The following SPOCK3 variants were observed in gnomAD, a reference collection of about 807,000 sequenced individuals.
SPOCK3 encodes SPARC (osteonectin), cwcv and kazal like domains proteoglycan 3, also known as testican-3.
In SPOCK3, 30 loss-of-function variants were observed where a neutral mutation model predicts 56.6. That is an observed-to-expected ratio of 0.53 (90% CI 0.40 to 0.72). The LOEUF is 0.72. Ranked by LOEUF, SPOCK3 falls within the 30% of genes least tolerant of loss-of-function variation. The pLI, the probability that SPOCK3 is intolerant of heterozygous loss-of-function variation, is 0.00. For synonymous variants in SPOCK3, 196 were observed against 183.3 expected (o/e 1.07, Z -0.56); for missense variants, 527 against 530.0 (o/e 0.99, Z 0.06).
At chr4:167,066,659 G>A (rs899923221) in intron 2 of SPOCK3, among the ~76,000 whole-genome samples, 2 of 151,554 alleles carry the variant, frequency 1.3e-5, no homozygotes, top group Non-Finnish European at 2.9e-5. Context: ...ATACTCTTTG[G>A]TATCGACTTA....
chr4:167,056,691 G>T (rs1483278278), intron 3 of SPOCK3, among the ~76,000 whole-genome samples: 3 of 151,534 alleles, frequency 2.0e-5, no homozygotes, highest in African/African-American at 7.3e-5. Context: ...TATCAGTGAT[G>T]GAAGATGAAA....
chr4:166,941,425 A>G (rs1579728555), intron 4 of SPOCK3, among the ~76,000 whole-genome samples: 2 of 152,210 alleles, frequency 1.3e-5, no homozygotes, highest in East Asian at 1.9e-4. Flanking sequence ...TTTTTTATCA[A>G]TTGCAGTATT....
chr4:167,109,470 A>G (rs1009304551), intron 2 of SPOCK3, among the ~76,000 whole-genome samples: 4 of 109,430 alleles, frequency 3.7e-5, no homozygotes, highest in African/African-American at 1.4e-4. Flanking sequence ...ATATAGTTAT[A>G]ATATATTTAT....
At chr4:166,933,544 C>T (rs1298242227) in intron 4 of SPOCK3, among the ~76,000 whole-genome samples, 1 of 151,998 alleles carries the variant, frequency 6.6e-6, no homozygotes, top group African/African-American at 2.4e-5. Context: ...GGAAATTTAT[C>T]ATTATTATTA....
rs1052012130 is a variant in SPOCK3, at chr4:167,219,246, A to G, written c.189+14739T>C. On this transcript the variant is annotated intron_variant, in intron 2 of 10. Transcript: ENST00000357545. ...GAGGTTGTCTATAATTTCACACTAT[A>G]CTGTATGCCATGAAAGGCTATAAAT... is the stretch of plus-strand genomic sequence containing the variant. Among the ~76,000 whole-genome samples, 7 of 152,230 alleles carry G rather than the reference A, an allele frequency of 4.6e-5. No individual in the cohort carries two copies. The East Asian group carries it at 1.3e-3, about 29-fold the overall frequency.
intron 6 of SPOCK3, among the ~76,000 whole-genome samples, chr4:166,855,578 G>A (rs1454700300): frequency 6.6e-6 from 1 of 150,996 alleles, no homozygotes; most frequent in African/African-American, 2.4e-5. Context: ...TCAATATTTT[G>A]TATGCACAGG....
At chr4:167,173,125 T>C (rs552944770) in intron 2 of SPOCK3, among the ~76,000 whole-genome samples, 2 of 152,190 alleles carry the variant, frequency 1.3e-5, no homozygotes, top group Non-Finnish European at 2.9e-5. Context: ...GTTATGTTTT[T>C]ACGACTTCCC....
intron 6 of SPOCK3, among the ~76,000 whole-genome samples, chr4:166,840,471 T>A (rs980116097): frequency 1.3e-5 from 2 of 152,230 alleles, no homozygotes; most frequent in African/African-American, 4.8e-5. Flanking sequence ...AGAAAAGGGT[T>A]TAGTTGGACT....
chr4:167,234,474 C>G lies in SPOCK3; in HGVS notation c.-25G>C, dbSNP rs1737528475. 1 of 408,690 alleles carries G rather than the reference C, an allele frequency of 2.4e-6. No homozygotes were observed. Among genetic ancestry groups the G allele is most frequent in the African/African-American group, 2.0e-5 (1 of 50,536 alleles). The allele number at this position is 408,690 out of a possible 1,614,324, so 25.3% of individuals were successfully genotyped here. Reference sequence around the variant, plus strand: ...CCTTGTTGTGAGCCAGCACTGTGCTCGCAGCTCCTGCTGGAAATGCAGCCC... The same window carrying G: ...CCTTGTTGTGAGCCAGCACTGTGCTGGCAGCTCCTGCTGGAAATGCAGCCC... On this transcript the variant is annotated 5_prime_UTR_variant, in exon 1 of 11. Transcript: ENST00000357545.
At chr4:167,227,634 G>A (rs1408735248) in intron 2 of SPOCK3, among the ~76,000 whole-genome samples, 2 of 151,940 alleles carry the variant, frequency 1.3e-5, no homozygotes, top group African/African-American at 4.8e-5. Context: ...AAGATGAAAT[G>A]ATTTTCATAA....
At chr4:166,892,920 G>A (rs182302056) in intron 5 of SPOCK3, among the ~76,000 whole-genome samples, 4 of 152,076 alleles carry the variant, frequency 2.6e-5, no homozygotes, top group Non-Finnish European at 4.4e-5. Flanking sequence ...CAAACACTGC[G>A]ACAGGCTGTT....
intron 2 of SPOCK3, among the ~76,000 whole-genome samples, chr4:167,079,512 C>A (rs996833323): frequency 1.3e-5 from 2 of 151,614 alleles, no homozygotes; most frequent in Non-Finnish European, 2.9e-5. Flanking sequence ...TCTTTATAGA[C>A]TAAATACACC....
intron 2 of SPOCK3, among the ~76,000 whole-genome samples, chr4:167,204,852 T>G (rs1733876166): frequency 1.3e-5 from 2 of 151,414 alleles, no homozygotes; most frequent in Admixed American, 6.6e-5. Flanking sequence ...AGAAATCGGG[T>G]CTTGCTCTGT....
intron 3 of SPOCK3, among the ~76,000 whole-genome samples, chr4:167,020,486 C>A (rs1751061410): frequency 6.6e-6 from 1 of 151,936 alleles, no homozygotes; most frequent in Non-Finnish European, 1.5e-5. Flanking sequence ...GGGGGTGCTG[C>A]CCTCATGAAT....
At chr4:167,159,030 T>C (rs1200219098) in intron 2 of SPOCK3, among the ~76,000 whole-genome samples, 1 of 151,918 alleles carries the variant, frequency 6.6e-6, no homozygotes, top group African/African-American at 2.4e-5. Flanking sequence ...TCCTCAAACA[T>C]ATACAATGAT....
intron 4 of SPOCK3, among the ~76,000 whole-genome samples, chr4:166,917,731 C>T (rs1341370453): frequency 6.6e-6 from 1 of 152,012 alleles, no homozygotes; most frequent in African/African-American, 2.4e-5. Flanking sequence ...AAGGAAGTGC[C>T]TTGCTTCCCC....
intron 4 of SPOCK3, among the ~76,000 whole-genome samples, chr4:166,961,506 C>G (rs1159892696): frequency 2.0e-5 from 3 of 150,556 alleles, no homozygotes; most frequent in African/African-American, 4.9e-5. Context: ...ATTTTATAGT[C>G]ATGGGCAAAG....
At chr4:166,800,012 T>G (rs1742373332) in intron 6 of SPOCK3, among the ~76,000 whole-genome samples, 1 of 151,602 alleles carries the variant, frequency 6.6e-6, no homozygotes, top group Non-Finnish European at 1.5e-5. Flanking sequence ...AAACCCTGTC[T>G]CTACTAAACA....
rs199582399 is a variant in SPOCK3 at position 167,233,951 on chromosome 4, C to A, written c.189+34G>T. 36 of 1,589,024 alleles carry A rather than the reference C, an allele frequency of 2.3e-5. No homozygotes were observed. In the South Asian group the frequency reaches 3.4e-4, roughly 15 times the overall value. ...GGCCCCCGCCTCGGAGCAGCGCGCG[C>A]GTGTGCCCGGGGATGTGGGTGCGCG... On this transcript the variant is annotated intron_variant, in intron 2 of 10. Transcript: ENST00000357545.
Sources: gnomAD v4.1 joint callset for allele counts (sites outside exome capture counted in the v4.1 genomes callset) on GRCh38, gnomAD v4.1.1 for gene constraint, MANE v1.5 for transcripts, NCBI Gene and HGNC (gene_info 2026-07-23, HGNC 2026-07-21) for gene names.